KHDC1: variants seen among roughly 807,000 people sequenced by gnomAD.
The protein encoded by KHDC1 is KH homology domain-containing protein 1.
KHDC1 carries 21 observed loss-of-function variants against 24.7 expected under a neutral mutation model. The ratio of observed to expected loss-of-function variants is 0.85; its 90% CI spans 0.60 to 1.23. The LOEUF is 1.23. Among genes scored for constraint, KHDC1 ranks in the 50% most tolerant of loss-of-function variants. The pLI, the probability that KHDC1 is intolerant of heterozygous loss-of-function variation, is 0.00. For synonymous variants in KHDC1, 98 were observed against 111.7 expected, an observed-to-expected ratio of 0.88 and a Z score of 0.77; for missense variants, 274 against 298.5, an observed-to-expected ratio of 0.92 and a Z score of 0.61.
intron 2 of KHDC1, among the ~76,000 whole-genome samples, chr6:73,277,770 G>A (rs1430935574): frequency 6.6e-6 from 1 of 151,628 alleles, no homozygotes; most frequent in East Asian, 1.9e-4. Flanking sequence ...GTGGGACAGA[G>A]GCAAGAGGAT....
chr6:73,279,164 T>C (rs1289954071), intron 2 of KHDC1, among the ~76,000 whole-genome samples: 1 of 152,206 alleles, frequency 6.6e-6, no homozygotes, highest in African/African-American at 2.4e-5. Flanking sequence ...CCCAGCACTT[T>C]GGGAGGCCAA....
chr6:73,292,397 G>A (rs1767672370), intron 1 of KHDC1: 2 of 780,260 alleles, frequency 2.6e-6, no homozygotes, highest in African/African-American at 1.7e-5. Context: ...GAATTACTCA[G>A]GAGCAGCAGA....
intron 2 of KHDC1, 33 bp downstream of exon 1, chr6:73,262,741 T>C (rs1436562057): frequency 2.0e-6 from 2 of 985,324 alleles, no homozygotes; most frequent in Non-Finnish European, 2.4e-6. Flanking sequence ...ATGAACTTAG[T>C]AAGAAATGTG....
At chr6:73,270,234 T>C (rs564343414) in intron 2 of KHDC1, 1 of 152,352 alleles carries the variant, frequency 6.6e-6, no homozygotes, top group East Asian at 1.9e-4. Flanking sequence ...TTCTGTTCTA[T>C]TTCATTGATT....
chr6:73,296,956 G>A lies in KHDC1; in HGVS notation c.164-4916C>T, dbSNP rs907026038. 5.9e-5 allele frequency among the ~76,000 whole-genome samples: 9 copies of A among 151,952 alleles called. No homozygotes were observed. In the South Asian group the frequency reaches 8.4e-4, roughly 14 times the overall value. ...TCACTCTGTCACCTAGGCAGAGTGC[G>A]GCAGTGCGATCTCAGCTCACTGCAA... On this transcript the variant is annotated intron_variant, in intron 1 of 4. Transcript: ENST00000370384.
chr6:73,275,507 G>C (rs1767272211), intron 2 of KHDC1: 1 of 167,224 alleles, frequency 6.0e-6, no homozygotes, highest in Admixed American at 6.5e-5. Flanking sequence ...CACTGGTGCA[G>C]GTTTAGGCAC....
intron 2 of KHDC1, among the ~76,000 whole-genome samples, chr6:73,265,926 C>CT (rs1205008191): frequency 1.3e-5 from 2 of 151,802 alleles, no homozygotes; most frequent in Non-Finnish European, 2.9e-5. Flanking sequence ...TTTTCTTTTT[C>CT]TTTTTTTTGG....
intron 1 of KHDC1, among the ~76,000 whole-genome samples, chr6:73,302,452 T>C (rs948718180): frequency 4.6e-5 from 7 of 152,230 alleles, no homozygotes; most frequent in Middle Eastern, 3.2e-3. Context: ...TATAGCCTAC[T>C]ATACACCCAA....
At position 73,245,527 on chromosome 6, in the gene KHDC1, A is replaced by G. The variant is rs993475781; in HGVS notation, c.207-2997T>C. On this transcript the variant is annotated intron_variant, in intron 2 of 4. Coordinates refer to ENST00000370384, the Ensembl canonical transcript of KHDC1. ...AGGAAGTGAATTCCTAACTGCATGG[A>G]GTAGCCTATGAATCCCAGGAGGAGT... Among the ~76,000 whole-genome samples the G allele has an allele frequency of 2.6e-5, 4 of 152,314 alleles. No individual in the cohort carries two copies. In the East Asian group the frequency reaches 5.8e-4, roughly 22 times the overall value.
chr6:73,256,689 G>A (rs1702588358), intron 2 of KHDC1, among the ~76,000 whole-genome samples: 2 of 152,284 alleles, frequency 1.3e-5, no homozygotes, highest in African/African-American at 4.8e-5. Flanking sequence ...AAAGGTGCCT[G>A]TTGTTATAAG....
At chr6:73,292,021 T>G in exon 2 of KHDC1, 1 of 1,614,082 alleles carries the variant, frequency 6.2e-7, no homozygotes, top group Non-Finnish European at 8.5e-7. Flanking sequence ...ATCTAGTCTT[T>G]CCGCTCCTTG....
At chr6:73,280,662 A>C (rs573759828) in intron 2 of KHDC1, among the ~76,000 whole-genome samples, 5 of 151,726 alleles carry the variant, frequency 3.3e-5, no homozygotes, top group African/African-American at 1.2e-4. Context: ...CTGGGATTAC[A>C]GGCATGCACC....
chr6:73,271,910 G>C (rs892243256), intron 2 of KHDC1, among the ~76,000 whole-genome samples: 1 of 149,952 alleles, frequency 6.7e-6, no homozygotes, highest in African/African-American at 2.5e-5. Flanking sequence ...AAAATAAGAA[G>C]ACTGAGGTTG....
intron 1 of KHDC1, among the ~76,000 whole-genome samples, chr6:73,297,093 G>T (rs543591276): frequency 6.6e-6 from 1 of 152,122 alleles, no homozygotes; most frequent in South Asian, 2.1e-4. Flanking sequence ...TAGAGATGAG[G>T]TTTTGCCACG....
chr6:73,303,167 CAGAA>C (rs1435445472), intron 1 of KHDC1, among the ~76,000 whole-genome samples: 1 of 151,662 alleles, frequency 6.6e-6, no homozygotes, highest in Non-Finnish European at 1.5e-5. Context: ...AAACCAGGCA[CAGAA>C]AGAAAAATAT....
intron 2 of KHDC1, among the ~76,000 whole-genome samples, chr6:73,245,526 G>A (rs1242709830): frequency 6.6e-6 from 1 of 152,192 alleles, no homozygotes; most frequent in African/African-American, 2.4e-5. Flanking sequence ...TAACTGCATG[G>A]AGTAGCCTAT....
intron 2 of KHDC1, among the ~76,000 whole-genome samples, 195 bp from the exon 2 acceptor site, chr6:73,242,725 T>A (rs533456737): frequency 2.3e-4 from 35 of 152,326 alleles, no homozygotes; most frequent in Non-Finnish European, 4.7e-4. Context: ...AGCTTAATCC[T>A]TCATGCCAAA....
intron 2 of KHDC1, among the ~76,000 whole-genome samples, chr6:73,283,947 C>T (rs892632287): frequency 1.3e-5 from 2 of 151,944 alleles, no homozygotes; most frequent in Non-Finnish European, 2.9e-5. Flanking sequence ...ATTGAAACCA[C>T]CTTTGCAAAG....
chr6:73,242,051 C>T lies in KHDC1; in HGVS notation c.514+4G>A, dbSNP rs916783826. 1 of 1,608,326 alleles carries T rather than the reference C, an allele frequency of 6.2e-7. No homozygotes were observed. The highest frequency in any genetic ancestry group is 1.7e-5 in the Admixed American group (1 of 59,558). ...AAAACCACAGTTCAGCCAAGGATAC[C>T]TACCTCGAGCATGATGATAGGAGTC... On this transcript the variant is annotated splice_donor_region_variant and intron_variant, in intron 4 of 4. Coordinates refer to ENST00000370384, the Ensembl canonical transcript of KHDC1.
Sources: gnomAD v4.1 joint callset for allele counts (sites outside exome capture counted in the v4.1 genomes callset) on GRCh38, gnomAD v4.1.1 for gene constraint, MANE v1.5 for transcripts, NCBI Gene and HGNC (gene_info 2026-07-23, HGNC 2026-07-21) for gene names.